The following MTMR4 variants were observed in gnomAD, a reference collection of about 807,000 sequenced individuals.
The protein encoded by MTMR4 is myotubularin related protein 4.
MTMR4 carries 30 observed loss-of-function variants against 125.5 expected under a neutral mutation model. The ratio of observed to expected loss-of-function variants is 0.24; its 90% CI spans 0.18 to 0.32. The LOEUF (loss-of-function observed/expected upper bound fraction) is 0.32, where lower values mean the gene tolerates loss of function less well. Among genes scored for constraint, MTMR4 ranks in the 10% least tolerant of loss-of-function variants. The probability of loss-of-function intolerance (pLI) is 1.00; values close to 1 mark genes in which losing one functional copy is unlikely to be tolerated. For missense variants in MTMR4, 1,039 were observed against 1,511.5 expected, an observed-to-expected ratio of 0.69 and a Z score of 5.18; for synonymous variants, 498 against 564.5, an observed-to-expected ratio of 0.88 and a Z score of 1.67.
intron 7 of MTMR4, among the ~76,000 whole-genome samples, chr17:58,507,570 G>A (rs2143908325): frequency 6.6e-6 from 1 of 152,280 alleles, no homozygotes; most frequent in South Asian, 2.1e-4. Context: ...AACTGCTCCA[G>A]GTACAGACAC....
At chr17:58,502,750 G>A (rs918144208) in intron 14 of MTMR4, among the ~76,000 whole-genome samples, 7 of 152,232 alleles carry the variant, frequency 4.6e-5, no homozygotes, top group Admixed American at 4.6e-4. Flanking sequence ...ATGAAAGCGT[G>A]AGTGTGGATT....
chr17:58,504,053 G>A lies in MTMR4; in HGVS notation c.1695C>T (p.Asp565=). The change falls in exon 13 of 18, where the codon GAC becomes GAT. Residue 565 remains aspartate, a synonymous_variant. Coordinates refer to ENST00000682306, the MANE Select transcript of MTMR4 (RefSeq NM_001378067.1). The surrounding 1 kb of genome is among the most constrained non-coding windows in gnomAD (Gnocchi z 7.1). ...FHNFLYTPSS[D]MVLHPVCHVR... is the part of the protein sequence containing the mutation. ...CAGGAAAAGGGCTCAGACTCACCAT[G>A]TCTGAGCTGGGTGTGTAGAGGAAGT... 14 of 1,555,002 alleles carry A rather than the reference G, an allele frequency of 9.0e-6. No homozygotes were observed. Among genetic ancestry groups the A allele is most frequent in the African/African-American group, 1.4e-5 (1 of 72,892 alleles).
chr17:58,507,313 C>T lies in MTMR4; in HGVS notation c.714G>A (p.Leu238=), dbSNP rs372251755. The T allele has an allele frequency of 8.2e-5, 133 of 1,612,544 alleles. No homozygotes were observed. The Middle Eastern group carries it at 8.3e-4, about 10-fold the overall frequency. The change falls in exon 8 of 18, where the codon TTG becomes TTA. Residue 238 remains leucine, a synonymous_variant. Transcript: ENST00000682306. ...AGCGGGCGATGGCAGCCCCATTGCG[C>T]AAGTGTCTGACAAAACAGAAGAAAC... is the stretch of plus-strand genomic sequence containing the variant. ...KRIPVVVYRH[L]RNGAAIARCS... is the part of the protein sequence containing the mutation.
intron 15 of MTMR4, 139 bp from the exon 16 acceptor site, chr17:58,493,091 T>A (rs1975357308): frequency 4.8e-6 from 3 of 625,410 alleles, no homozygotes; most frequent in Admixed American, 5.9e-5. Context: ...ACTACTAATA[T>A]CCCCATTTTA....
At position 58,512,143 on chromosome 17, in the gene MTMR4, G is replaced by A. The variant is rs994351330; in HGVS notation, c.252+247C>T. Among the ~76,000 whole-genome samples, 1 of 152,126 alleles carries A rather than the reference G, an allele frequency of 6.6e-6. No individual in the cohort carries two copies. Among genetic ancestry groups the A allele is most frequent in the African/African-American group, 2.4e-5 (1 of 41,432 alleles). ...TGGGATTACAGGTGCGCACCACCAA[G>A]CCCGACTAATTTTTGTATTGTTAGT... On this transcript the variant is annotated intron_variant, in intron 3 of 17. Transcript: ENST00000682306. This position sits in a 1 kb window ranked among gnomAD's most constrained non-coding sequence, Gnocchi z 4.1.
Position 58,504,540 on chromosome 17 carries a change from T to A in MTMR4, c.1342-52A>T. The A allele has an allele frequency of 1.3e-6, 2 of 1,583,002 alleles. No individual in the cohort carries two copies. The highest frequency in any genetic ancestry group is 4.5e-5 in the East Asian group (2 of 44,470). ...TAGGGCCTCTCTGGAAATGCTGATG[T>A]GCTACTCCCCTGGGAACTGCCCAAA... On this transcript the variant is annotated intron_variant, in intron 11 of 17. Coordinates refer to ENST00000682306, the MANE Select transcript of MTMR4 (RefSeq NM_001378067.1). This position sits in a 1 kb window ranked among gnomAD's most constrained non-coding sequence, Gnocchi z 7.1.
At chr17:58,491,928 T>C in intron 17 of MTMR4, 88 bp from the exon 18 acceptor site, 2 of 1,320,872 alleles carry the variant, frequency 1.5e-6, no homozygotes, top group South Asian at 1.5e-5. Context: ...CCCTGCACTT[T>C]GGTAGGCTGA....
Position 58,508,223 on chromosome 17 carries a change from G to A in MTMR4, c.645C>T (p.Asp215=), listed in dbSNP as rs762110972. 19 of 1,613,792 alleles carry A rather than the reference G, an allele frequency of 1.2e-5. No homozygotes were observed. The East Asian group carries it at 4.0e-4, about 34-fold the overall frequency. The part of the protein sequence containing the change: ...QKLLVPVWIT[D]KELENVASFR... ...AGGAAGCCACGTTCTCCAGCTCTTT[G>A]TCAGTGATCCACACAGGAACCAGCA... is the stretch of plus-strand genomic sequence containing the variant. Residue 215 remains aspartate, a synonymous_variant, in exon 7 of 18, where the codon GAC becomes GAT. Coordinates refer to ENST00000682306, the MANE Select transcript of MTMR4 (RefSeq NM_001378067.1). This position sits in a 1 kb window ranked among gnomAD's most constrained non-coding sequence, Gnocchi z 4.8.
At position 58,508,151 on chromosome 17, in the gene MTMR4, A is replaced by T; in HGVS notation, c.707+10T>A. ...AATGGCCTCCCTACTTCCCAGCCCC[A>T]CTGCCTCACCTATACACAACCACGG... On this transcript the variant is annotated intron_variant, in intron 7 of 17. Coordinates refer to ENST00000682306, the MANE Select transcript of MTMR4 (RefSeq NM_001378067.1). The surrounding 1 kb of genome is among the most constrained non-coding windows in gnomAD (Gnocchi z 4.8). 1 of 1,607,660 alleles carries T rather than the reference A, an allele frequency of 6.2e-7. No individual in the cohort carries two copies. Among genetic ancestry groups the T allele is most frequent in the Non-Finnish European group, 8.5e-7 (1 of 1,174,950 alleles).
chr17:58,505,118 G>A (rs555343540), intron 10 of MTMR4, 144 bp from the exon 11 acceptor site: 4 of 737,504 alleles, frequency 5.4e-6, no homozygotes, highest in African/African-American at 5.3e-5. Context: ...TTGGACAAGA[G>A]GTATCTAGCA....
At position 58,503,857 on chromosome 17, in the gene MTMR4, C is replaced by A. The variant is rs1471543809; in HGVS notation, c.1740G>T (p.Trp580Cys). ...ATGATGCTGGCAGATAAACAGCTGT[C>A]CAGAGGTGCAGGGCCCGGACATGAC... ...PVCHVRALHL[W>C]TAVYLPASSP... Residue 580 changes from tryptophan (W) to cysteine (C), a missense_variant, in exon 14 of 18, where the codon TGG becomes TGT. Coordinates refer to ENST00000682306, the MANE Select transcript of MTMR4 (RefSeq NM_001378067.1). The A allele has an allele frequency of 6.2e-7, 1 of 1,614,136 alleles. No individual in the cohort carries two copies. Among genetic ancestry groups the A allele is most frequent in the East Asian group, 2.2e-5 (1 of 44,886 alleles).
In MTMR4 at chr17:58,512,356, A is replaced by G. The variant is rs778390138; in HGVS notation, c.252+34T>C. ...CCACCTTGAACTTCATAGGGATTCTAGCTTAGGGGTAGGAGAACAATACAG... is the reference window on the plus strand; with the variant it reads ...CCACCTTGAACTTCATAGGGATTCTGGCTTAGGGGTAGGAGAACAATACAG... On this transcript the variant is annotated intron_variant, in intron 3 of 17. Coordinates refer to ENST00000682306, the MANE Select transcript of MTMR4 (RefSeq NM_001378067.1). The surrounding 1 kb of genome is among the most constrained non-coding windows in gnomAD (Gnocchi z 4.1). 1.6e-5 allele frequency: 24 copies of G among 1,518,460 alleles called. No individual in the cohort carries two copies. The South Asian group carries it at 2.5e-4, about 16-fold the overall frequency. 94.1% of individuals were successfully genotyped at this position (1,518,460 alleles called of 1,614,324 possible).
At chr17:58,505,346 C>G in intron 10 of MTMR4, 126 bp downstream of exon 10, 2 of 776,774 alleles carry the variant, frequency 2.6e-6, no homozygotes, top group Non-Finnish European at 4.2e-6. Flanking sequence ...CCCACGGCAC[C>G]CAACTCCACC....
chr17:58,516,319 G>A (rs1222583905), upstream of MTMR4, among the ~76,000 whole-genome samples: 1 of 152,232 alleles, frequency 6.6e-6, no homozygotes, highest in Non-Finnish European at 1.5e-5. Context: ...AGAACCAGTG[G>A]TGGGTAGGGA....
intron 14 of MTMR4, among the ~76,000 whole-genome samples, 171 bp downstream of exon 14, chr17:58,503,573 C>T (rs572337637): frequency 3.0e-4 from 46 of 152,064 alleles, no homozygotes; most frequent in African/African-American, 1.1e-3. Flanking sequence ...CAGTTGAACC[C>T]GGGAAGTGGA....
rs1008143089 is a variant in MTMR4, at chr17:58,491,363, C to T, written c.*300G>A. ...GGCACTTTGCACCAGGCAACATCTA[C>T]GCAATCATCATCTTGTGACCTCCAG... On this transcript the variant is annotated 3_prime_UTR_variant, in exon 18 of 18. Coordinates refer to ENST00000682306, the MANE Select transcript of MTMR4 (RefSeq NM_001378067.1). 42 of 212,818 alleles carry T rather than the reference C, an allele frequency of 2.0e-4. 1 individual carries two copies. Among genetic ancestry groups the T allele is most frequent in the Non-Finnish European group, 3.2e-4 (34 of 105,378 alleles). 13.2% of individuals were successfully genotyped at this position (212,818 alleles called of 1,614,324 possible). A position where few individuals can be genotyped will look rare whatever the true frequency, so the allele number is the denominator to read the frequency against.
upstream of MTMR4, among the ~76,000 whole-genome samples, chr17:58,517,112 G>A (rs2042028258): frequency 6.6e-6 from 1 of 152,250 alleles, no homozygotes; most frequent in African/African-American, 2.4e-5. Context: ...AGAGTCCAGA[G>A]TGGGACAAGA....
intron 14 of MTMR4, 22 bp from the exon 15 acceptor site, chr17:58,496,352 C>T: frequency 6.4e-7 from 1 of 1,572,732 alleles, no homozygotes; most frequent in Admixed American, 1.9e-5. Flanking sequence ...AATATAACAC[C>T]TCCAGGTCAG....
Position 58,512,330 on chromosome 17 carries a change from C to T in MTMR4, c.252+60G>A, listed in dbSNP as rs1047761404. 1.1e-5 allele frequency: 15 copies of T among 1,412,948 alleles called. No homozygotes were observed. In the Admixed American group the frequency reaches 2.5e-4, roughly 24 times the overall value. 87.5% of individuals were successfully genotyped at this position (1,412,948 alleles called of 1,614,324 possible). A position where few individuals can be genotyped will look rare whatever the true frequency, so the allele number is the denominator to read the frequency against. ...TGATCAAGGACAGCCTTGGAACAAT[C>T]CCACCTTGAACTTCATAGGGATTCT... On this transcript the variant is annotated intron_variant, in intron 3 of 17. Transcript: ENST00000682306. This position sits in a 1 kb window ranked among gnomAD's most constrained non-coding sequence, Gnocchi z 4.1.
Sources: gnomAD v4.1 joint callset for allele counts (sites outside exome capture counted in the v4.1 genomes callset) on GRCh38, gnomAD v4.1.1 for gene constraint, Gnocchi (gnomAD v3.1) non-coding constraint, MANE v1.5 for transcripts, NCBI Gene and HGNC (gene_info 2026-07-23, HGNC 2026-07-21) for gene names.